HOOK3: variants seen among roughly 807,000 people sequenced by gnomAD.
HOOK3 encodes the protein hook microtubule tethering protein 3, also known as protein Hook homolog 3.
HOOK3 carries 24 observed loss-of-function variants against 116.3 expected under a neutral mutation model. The observed-to-expected ratio is 0.21, with a 90% CI of 0.15 to 0.29. HOOK3 has a LOEUF of 0.29. Ranked by LOEUF, HOOK3 falls within the 10% of genes least tolerant of loss-of-function variation. The pLI is 1.00. For synonymous variants in HOOK3, 275 were observed against 283.0 expected (o/e 0.97, Z 0.28); for missense variants, 632 against 830.2 (o/e 0.76, Z 2.93).
At chr8:42,933,715 A>G (rs2130369380) in intron 4 of HOOK3, among the ~76,000 whole-genome samples, 1 of 152,326 alleles carries the variant, frequency 6.6e-6, no homozygotes, top group East Asian at 1.9e-4. Flanking sequence ...TCTGAAAATA[A>G]TCTTAGTTCT....
chr8:42,995,648 T>G (rs1176964885), intron 15 of HOOK3, among the ~76,000 whole-genome samples: 2 of 152,226 alleles, frequency 1.3e-5, no homozygotes, highest in African/African-American at 2.4e-5. Context: ...CAACTCAGGC[T>G]TCTCTCTGCT....
At chr8:42,899,992 A>G (rs1342247868) in intron 1 of HOOK3, among the ~76,000 whole-genome samples, 1 of 152,214 alleles carries the variant, frequency 6.6e-6, no homozygotes, top group Non-Finnish European at 1.5e-5. Context: ...AAAGTAATAA[A>G]AGCTCAAGTA....
At position 43,013,345 on chromosome 8, in the gene HOOK3, CAA is replaced by C; in HGVS notation, c.1963_1964del (p.Lys655GlufsTer12). On this transcript the variant is annotated frameshift_variant, in exon 21 of 22. Coordinates refer to ENST00000307602, the MANE Select transcript of HOOK3 (RefSeq NM_032410.4). LOFTEE classifies it high-confidence loss of function. ...TTTTTTTAGAAAGAATATGAGAAAA[CAA>C]AGAGTCAGAGAGAGATGGAAGAGAA... 6.4e-7 allele frequency: 1 copy of C among 1,556,516 alleles called. No individual in the cohort carries two copies. Among genetic ancestry groups the C allele is most frequent in the Non-Finnish European group, 8.7e-7 (1 of 1,155,082 alleles).
chr8:42,931,879 C>T (rs1586596813), intron 4 of HOOK3, among the ~76,000 whole-genome samples: 3 of 152,050 alleles, frequency 2.0e-5, no homozygotes, highest in Non-Finnish European at 2.9e-5. Flanking sequence ...CTCAGCTTCC[C>T]GAGAAGCTGG....
At chr8:43,002,526 A>G (rs1820418817) in intron 17 of HOOK3, among the ~76,000 whole-genome samples, 1 of 152,224 alleles carries the variant, frequency 6.6e-6, no homozygotes, top group African/African-American at 2.4e-5. Context: ...ACAGCCATAG[A>G]CAATACATCA....
intron 13 of HOOK3, among the ~76,000 whole-genome samples, chr8:42,975,521 T>C (rs982169194): frequency 2.6e-5 from 4 of 152,116 alleles, no homozygotes; most frequent in African/African-American, 9.7e-5. Context: ...TCCTTGTGGA[T>C]AGATTTACCC....
At position 42,983,387 on chromosome 8, in the gene HOOK3, GATA is replaced by G. The variant is rs535487739; in HGVS notation, c.1391+697_1391+699del. 1.5e-4 allele frequency among the ~76,000 whole-genome samples: 23 copies of G among 151,392 alleles called. No individual in the cohort carries two copies. In the East Asian group the frequency reaches 4.5e-3, roughly 29 times the overall value. On this transcript the variant is annotated intron_variant, in intron 14 of 21. Transcript: ENST00000307602. ...TAACCACACGGAAAGGTCTGGGAAAGATAATAATGCTATAGACAGGAGGAAATG... is the reference window on the plus strand; with the variant it reads ...TAACCACACGGAAAGGTCTGGGAAAGATAATGCTATAGACAGGAGGAAATG...
chr8:42,919,080 G>A (rs538594723), intron 2 of HOOK3, among the ~76,000 whole-genome samples: 2 of 151,504 alleles, frequency 1.3e-5, no homozygotes, highest in East Asian at 4.0e-4. Flanking sequence ...CGGCTGGCCG[G>A]GCGGGGGCTG....
chr8:43,016,010 G>A (rs1256013669), intron 21 of HOOK3, among the ~76,000 whole-genome samples: 3 of 149,960 alleles, frequency 2.0e-5, no homozygotes, highest in Admixed American at 1.3e-4. Context: ...CCACCCCACC[G>A]AGCCCAATAA....
chr8:42,999,990 C>CA (rs1809348694), intron 16 of HOOK3, among the ~76,000 whole-genome samples: 1 of 151,536 alleles, frequency 6.6e-6, no homozygotes, highest in Non-Finnish European at 1.5e-5. Flanking sequence ...ACTAAAAATA[C>CA]AAAAAAAATT....
At chr8:42,950,958 T>TA (rs1808327495) in intron 6 of HOOK3, among the ~76,000 whole-genome samples, 2 of 152,206 alleles carry the variant, frequency 1.3e-5, no homozygotes, top group Non-Finnish European at 2.9e-5. Context: ...GTGCTGGGAT[T>TA]ACAGGCGTGA....
intron 2 of HOOK3, among the ~76,000 whole-genome samples, chr8:42,913,774 C>A (rs973908479): frequency 6.6e-6 from 1 of 152,166 alleles, no homozygotes; most frequent in Non-Finnish European, 1.5e-5. Context: ...CACAGTCTCA[C>A]CAACACTTGC....
chr8:42,935,948 G>C (rs1319075997), intron 4 of HOOK3, among the ~76,000 whole-genome samples: 2 of 152,160 alleles, frequency 1.3e-5, no homozygotes, highest in Non-Finnish European at 2.9e-5. Context: ...GTAGCTGTAT[G>C]GGGATACCAT....
chr8:42,984,577 T>G (rs2130449397), intron 14 of HOOK3, among the ~76,000 whole-genome samples: 2 of 152,290 alleles, frequency 1.3e-5, no homozygotes, highest in South Asian at 4.1e-4. Flanking sequence ...TTAAGGAAAC[T>G]TATTGGTAAT....
chr8:42,912,819 G>C (rs1192757373), intron 2 of HOOK3, among the ~76,000 whole-genome samples: 1 of 152,168 alleles, frequency 6.6e-6, no homozygotes, highest in Admixed American at 6.5e-5. Context: ...CATCCTATGG[G>C]TTTTGACAAA....
chr8:42,989,580 A>G (rs1809115986), intron 15 of HOOK3, among the ~76,000 whole-genome samples: 2 of 152,202 alleles, frequency 1.3e-5, no homozygotes, highest in African/African-American at 4.8e-5. Flanking sequence ...CCATCCTCTC[A>G]AGCATTTATC....
chr8:42,904,304 ATCT>A (rs1350214159), intron 1 of HOOK3, among the ~76,000 whole-genome samples: 2 of 132,896 alleles, frequency 1.5e-5, no homozygotes, highest in Admixed American at 7.5e-5. Context: ...AGCCGGTATG[ATCT>A]TTTTTTTTTT....
At chr8:43,017,172 C>T (rs1425106864) in intron 21 of HOOK3, among the ~76,000 whole-genome samples, 1 of 152,112 alleles carries the variant, frequency 6.6e-6, no homozygotes, top group Non-Finnish European at 1.5e-5. Context: ...TTGCTTTTTT[C>T]TTCCTTGCTG....
chr8:42,968,883 G>A (rs1808678746), intron 11 of HOOK3, among the ~76,000 whole-genome samples: 1 of 151,988 alleles, frequency 6.6e-6, no homozygotes, highest in African/African-American at 2.4e-5. Context: ...CTATACTTTT[G>A]CTACATATAT....
Sources: gnomAD v4.1 joint callset for allele counts (sites outside exome capture counted in the v4.1 genomes callset) on GRCh38, gnomAD v4.1.1 for gene constraint, MANE v1.5 for transcripts, NCBI Gene and HGNC (gene_info 2026-07-23, HGNC 2026-07-21) for gene names.